STK32B: variants seen among roughly 807,000 people sequenced by gnomAD.
STK32B encodes serine/threonine-protein kinase 32B.
STK32B carries 43 observed loss-of-function variants against 52.6 expected under a neutral mutation model. The ratio of observed to expected loss-of-function variants is 0.82; its 90% CI spans 0.64 to 1.05. The LOEUF is 1.05. STK32B is among the 50% of genes least tolerant of loss of function. STK32B has a pLI of 0.00. For missense variants in STK32B, 621 were observed against 534.6 expected, an observed-to-expected ratio of 1.16 and a Z score of -1.59; for synonymous variants, 238 against 204.3, an observed-to-expected ratio of 1.17 and a Z score of -1.41.
In STK32B at chr4:5,376,839, T is replaced by A. The variant is rs112645428; in HGVS notation, c.435-21368T>A. Among the ~76,000 whole-genome samples the A allele has an allele frequency of 8.6e-3, 1,301 of 152,024 alleles. 21 individuals are homozygous for A. Among genetic ancestry groups the A allele is most frequent in the African/African-American group, 0.029 (1,221 of 41,460 alleles). ...GCCTCCTGGGCCAGTTCTCCCCACA[T>A]CCCCTCTGGCCCCATGCTCTGCCCT... On this transcript the variant is annotated intron_variant, in intron 4 of 11. Transcript: ENST00000282908.
At chr4:5,034,411 T>C in the STK32B span, among the ~76,000 whole-genome samples, 1 of 152,210 alleles carries the variant, frequency 6.6e-6, no homozygotes, top group Non-Finnish European at 1.5e-5. Context: ...GGACACACAG[T>C]TCCCCTGCCT....
intron 1 of STK32B, among the ~76,000 whole-genome samples, chr4:5,101,070 T>G: frequency 6.6e-6 from 1 of 152,090 alleles, no homozygotes; most frequent in Non-Finnish European, 1.5e-5. Flanking sequence ...TTTGTAGAGA[T>G]CTGGGGGTCT....
At chr4:5,409,791 C>T (rs957291684) in intron 5 of STK32B, among the ~76,000 whole-genome samples, 3 of 152,086 alleles carry the variant, frequency 2.0e-5, no homozygotes, top group Admixed American at 6.5e-5. Context: ...ATGGGGGCAG[C>T]CTGGAGCAGA....
rs1181047085 is a variant in STK32B, at chr4:5,499,053, C to G, written c.1215C>G (p.Thr405=). The part of the protein sequence containing the change: ...LQDGCNNNLL[T]HTCTRGCSS ...ACGGGTGCAACAACAACCTCCTCAC[C>G]CACACCTGCACCCGTGGCTGCAGCA... The change falls in exon 12 of 12, where the codon ACC becomes ACG. Residue 405 remains threonine (T), a synonymous_variant. Coordinates refer to ENST00000282908, the MANE Select transcript of STK32B (RefSeq NM_018401.3). The G allele has an allele frequency of 5.0e-6, 8 of 1,613,510 alleles. No individual in the cohort carries two copies. Among genetic ancestry groups the G allele is most frequent in the Non-Finnish European group, 5.9e-6 (7 of 1,179,664 alleles).
At chr4:5,240,827 C>A (rs1724973314) in intron 3 of STK32B, among the ~76,000 whole-genome samples, 1 of 152,184 alleles carries the variant, frequency 6.6e-6, no homozygotes, top group African/African-American at 2.4e-5. Context: ...CTTCCCTGAT[C>A]TGCAAATTCT....
chr4:5,238,524 G>C (rs917642383), intron 3 of STK32B, among the ~76,000 whole-genome samples: 1 of 152,128 alleles, frequency 6.6e-6, no homozygotes, highest in Admixed American at 6.5e-5. Context: ...GATTACACAT[G>C]AACATGACCT....
chr4:5,380,115 G>A lies in STK32B; in HGVS notation c.435-18092G>A, dbSNP rs79613915. The stretch of plus-strand genomic sequence containing the variant: ...CCAGCCCACTGCTTGCTTCTCAGGG[G>A]CAATTTGAATATGTTTATTATTCTG... On this transcript the variant is annotated intron_variant, in intron 4 of 11. Transcript: ENST00000282908. This position sits in a 1 kb window ranked among gnomAD's most constrained non-coding sequence, Gnocchi z 4.3. 0.028 allele frequency among the ~76,000 whole-genome samples: 4,202 copies of A among 152,182 alleles called. 205 individuals are homozygous for A. The highest frequency in any genetic ancestry group is 0.094 in the African/African-American group (3,918 of 41,490).
intron 4 of STK32B, among the ~76,000 whole-genome samples, chr4:5,376,294 G>C (rs1269301893): frequency 1.3e-5 from 2 of 152,132 alleles, no homozygotes; most frequent in Non-Finnish European, 2.9e-5. Context: ...AGTCTTGCTG[G>C]GGGACTCATT....
intron 11 of STK32B, among the ~76,000 whole-genome samples, chr4:5,474,953 G>C (rs1290073952): frequency 6.6e-6 from 1 of 152,176 alleles, no homozygotes; most frequent in African/African-American, 2.4e-5. Context: ...TGGGAACCTT[G>C]ATACAGCAGA....
At chr4:5,260,092 C>CAT (rs1553859666) in intron 3 of STK32B, among the ~76,000 whole-genome samples, 55 of 152,070 alleles carry the variant, frequency 3.6e-4, no homozygotes, top group African/African-American at 1.2e-3. Flanking sequence ...CACACACACA[C>CAT]GCACACGTGC....
At chr4:5,261,933 TATA>T (rs757389970) in intron 3 of STK32B, among the ~76,000 whole-genome samples, 2 of 152,112 alleles carry the variant, frequency 1.3e-5, no homozygotes, top group Non-Finnish European at 2.9e-5. Flanking sequence ...AAACTGCAAA[TATA>T]ATAATCAAAT....
At chr4:5,430,921 C>A (rs1415663339) in intron 6 of STK32B, among the ~76,000 whole-genome samples, 1 of 152,210 alleles carries the variant, frequency 6.6e-6, no homozygotes, top group African/African-American at 2.4e-5. Context: ...TGTTCTCTAG[C>A]AATAGGCTTC....
chr4:5,165,166 T>C (rs941325450), intron 2 of STK32B, among the ~76,000 whole-genome samples: 1 of 152,290 alleles, frequency 6.6e-6, no homozygotes, highest in East Asian at 1.9e-4. Context: ...AGATGATGAA[T>C]GGATGCCAGC....
intron 7 of STK32B, among the ~76,000 whole-genome samples, chr4:5,447,599 G>C (rs1218542056): frequency 1.3e-5 from 2 of 152,222 alleles, no homozygotes; most frequent in Non-Finnish European, 2.9e-5. Flanking sequence ...TGGCACCACT[G>C]CACTCTAGCC....
At chr4:5,125,138 A>G (rs2108815006) in intron 1 of STK32B, among the ~76,000 whole-genome samples, 1 of 152,240 alleles carries the variant, frequency 6.6e-6, no homozygotes, top group East Asian at 1.9e-4. Context: ...GAATCCTGCT[A>G]ATTATCTTAA....
chr4:5,158,618 G>T (rs1490165618), intron 2 of STK32B, among the ~76,000 whole-genome samples: 1 of 152,204 alleles, frequency 6.6e-6, no homozygotes, highest in Non-Finnish European at 1.5e-5. Context: ...GCACTGCAGA[G>T]TTGGGGGCGG....
chr4:5,384,658 A>T (rs1191675655), intron 4 of STK32B, among the ~76,000 whole-genome samples: 1 of 152,150 alleles, frequency 6.6e-6, no homozygotes, highest in Admixed American at 6.5e-5. Flanking sequence ...CAGTCAAGGG[A>T]GTCGAGGATG....
At position 5,331,246 on chromosome 4, in the gene STK32B, T is replaced by C. The variant is rs1377554298; in HGVS notation, c.287T>C (p.Met96Thr). 1.9e-6 allele frequency: 3 copies of C among 1,613,402 alleles called. No individual in the cohort carries two copies. Among genetic ancestry groups the C allele is most frequent in the Non-Finnish European group, 2.5e-6 (3 of 1,179,704 alleles). Residue 96 changes from methionine (M) to threonine (T), a missense_variant, in exon 4 of 12, where the codon ATG becomes ACG. By Grantham distance (81) the Met-to-Thr change is moderately conservative. Coordinates refer to ENST00000282908, the MANE Select transcript of STK32B (RefSeq NM_018401.3). ...LWYSFQDEED[M>T]FMVVDLLLGG... Reference sequence around the variant, plus strand: ...TACTCCTTCCAGGATGAGGAGGACATGTTCATGGTGGTGGACCTGCTCCTG... The same window carrying C: ...TACTCCTTCCAGGATGAGGAGGACACGTTCATGGTGGTGGACCTGCTCCTG...
chr4:5,163,918 CTG>C (rs1198265913), intron 2 of STK32B, among the ~76,000 whole-genome samples: 3 of 152,190 alleles, frequency 2.0e-5, no homozygotes, highest in African/African-American at 7.2e-5. Flanking sequence ...CTCCACCAGC[CTG>C]TGTTTCCTGC....
Sources: allele counts gnomAD v4.1 joint callset (sites outside exome capture counted in the v4.1 genomes callset), GRCh38; gene constraint gnomAD v4.1.1; non-coding constraint Gnocchi (gnomAD v3.1); transcripts MANE v1.5; gene names NCBI Gene and HGNC (gene_info 2026-07-23, HGNC 2026-07-21).